NT5C2: variants seen among roughly 807,000 people sequenced by gnomAD.
The protein encoded by NT5C2 is cytosolic purine 5'-nucleotidase.
A neutral mutation model predicts 76.1 loss-of-function variants in NT5C2; 58 were observed. That is an observed-to-expected ratio of 0.76 (90% CI 0.62 to 0.95). NT5C2 has a LOEUF of 0.95. Ranked by LOEUF, NT5C2 falls within the 40% of genes least tolerant of loss-of-function variation. The pLI is 0.00. For synonymous variants in NT5C2, 229 were observed against 237.4 expected, an observed-to-expected ratio of 0.96 and a Z score of 0.32; for missense variants, 478 against 690.3, an observed-to-expected ratio of 0.69 and a Z score of 3.45.
chr10:103,091,733 T>C (rs1056690753), intron 15 of NT5C2, 118 bp from the exon 16 acceptor site: 11 of 786,308 alleles, frequency 1.4e-5, no homozygotes, highest in Non-Finnish European at 2.0e-5. Flanking sequence ...GGGACTAACA[T>C]GCTGAGTGTA....
At position 103,162,638 on chromosome 10, in the gene NT5C2, C is replaced by T. The variant is rs146670034; in HGVS notation, c.101+12220G>A. ...TAAACTGCTAGGGAAAACTATTTTG[C>T]GGTATCTACAAAAACTAAACGTATG... is the stretch of plus-strand genomic sequence containing the variant. On this transcript the variant is annotated intron_variant, in intron 3 of 18. Coordinates refer to ENST00000404739, the MANE Select transcript of NT5C2 (RefSeq NM_001351169.2). Among the ~76,000 whole-genome samples, 118 of 152,200 alleles carry T rather than the reference C, an allele frequency of 7.8e-4. No homozygotes were observed. In the East Asian group the frequency reaches 0.021, roughly 27 times the overall value.
chr10:103,117,849 G>C (rs1205041300), intron 4 of NT5C2, among the ~76,000 whole-genome samples: 1 of 152,068 alleles, frequency 6.6e-6, no homozygotes, highest in African/African-American at 2.4e-5. Context: ...ATTTAATTGA[G>C]GTGAGGGTTA....
rs763494183 is a variant in NT5C2, at chr10:103,123,167, T to C, written c.175+16239A>G. Among the ~76,000 whole-genome samples the C allele has an allele frequency of 5.3e-5, 8 of 152,272 alleles. 1 individual carries two copies. The highest frequency in any genetic ancestry group is 6.8e-3 in the Middle Eastern group (2 of 294). On this transcript the variant is annotated intron_variant, in intron 4 of 18. Coordinates refer to ENST00000404739, the MANE Select transcript of NT5C2 (RefSeq NM_001351169.2). ...TTGTTTGAGACAGGGTCTTGTTCTA[T>C]AGCCCAGGATAGAGGCACAATCACA... is the stretch of plus-strand genomic sequence containing the variant.
chr10:103,113,838 T>C (rs1252081025), intron 4 of NT5C2, among the ~76,000 whole-genome samples: 2 of 152,238 alleles, frequency 1.3e-5, no homozygotes, highest in Non-Finnish European at 2.9e-5. Context: ...TTCAGGCTTA[T>C]ACAGATAACT....
At chr10:103,141,764 T>C (rs184679805) in intron 3 of NT5C2, among the ~76,000 whole-genome samples, 14 of 152,324 alleles carry the variant, frequency 9.2e-5, no homozygotes, top group African/African-American at 3.1e-4. Flanking sequence ...CTACTGTCTA[T>C]TACACCCAGA....
At chr10:103,099,057 G>A in intron 9 of NT5C2, 73 bp from the exon 10 acceptor site, 1 of 1,223,680 alleles carries the variant, frequency 8.2e-7, no homozygotes, top group African/African-American at 1.5e-5. Context: ...TAAGAAAAAT[G>A]GTTTTTACTA....
intron 4 of NT5C2, among the ~76,000 whole-genome samples, chr10:103,120,598 AGAAT>A (rs1346164150): frequency 6.6e-6 from 1 of 152,278 alleles, no homozygotes; most frequent in Non-Finnish European, 1.5e-5. Flanking sequence ...CACACCCAGT[AGAAT>A]GAGTATTATC....
chr10:103,178,257 T>G (rs2090382770), intron 2 of NT5C2, among the ~76,000 whole-genome samples: 1 of 152,176 alleles, frequency 6.6e-6, no homozygotes, highest in African/African-American at 2.4e-5. Flanking sequence ...ACTATAAAAC[T>G]TGTACACAGA....
intron 2 of NT5C2, among the ~76,000 whole-genome samples, chr10:103,179,538 G>A (rs1036347749): frequency 3.3e-5 from 5 of 152,140 alleles, no homozygotes; most frequent in South Asian, 4.2e-4. Flanking sequence ...CACCATGCCC[G>A]GCTAATTTTT....
intron 3 of NT5C2, among the ~76,000 whole-genome samples, chr10:103,163,150 T>G (rs1160691833): frequency 6.6e-6 from 1 of 152,258 alleles, no homozygotes; most frequent in Non-Finnish European, 1.5e-5. Context: ...TTATAATCTA[T>G]TCTATAAATA....
rs370709938 is a variant in NT5C2 at position 103,089,829 on chromosome 10, G to A, written c.1529C>T (p.Thr510Ile). The change falls in exon 19 of 19, where the codon ACA becomes ATA. Residue 510 changes from threonine to isoleucine, a missense_variant. By Grantham distance (89) the Thr-to-Ile change is moderately conservative (BLOSUM62 -1). Coordinates refer to ENST00000404739, the MANE Select transcript of NT5C2 (RefSeq NM_001351169.2). ...GTCAGTGTCTTTGAAATCCACTGAT[G>A]TGCGGTTCCGGGTGGCAAGAGGAGA... ...MESPLATRNR[T>I]SVDFKDTDYK... 1.4e-5 allele frequency: 22 copies of A among 1,613,974 alleles called. No homozygotes were observed. In the African/African-American group the frequency reaches 2.5e-4, roughly 19 times the overall value.
chr10:103,184,836 T>TCCG, intron 1 of NT5C2, among the ~76,000 whole-genome samples: 1 of 152,284 alleles, frequency 6.6e-6, no homozygotes, highest in East Asian at 1.9e-4. Context: ...GAAGGAAAAA[T>TCCG]AACAAAGTTG....
chr10:103,157,197 T>C (rs772955521), intron 3 of NT5C2, among the ~76,000 whole-genome samples: 27 of 151,518 alleles, frequency 1.8e-4, no homozygotes, highest in Non-Finnish European at 3.1e-4. Context: ...TGAACCTAAT[T>C]ATACTGTATA....
chr10:103,109,883 A>G (rs1033414441), intron 4 of NT5C2, among the ~76,000 whole-genome samples: 3 of 152,208 alleles, frequency 2.0e-5, no homozygotes, highest in African/African-American at 7.2e-5. Context: ...TTGACAGCAC[A>G]AATCCTAGAA....
intron 3 of NT5C2, chr10:103,153,683 C>A (rs1025453742): frequency 1.0e-6 from 1 of 985,304 alleles, no homozygotes; most frequent in East Asian, 1.1e-4. Flanking sequence ...TCCAACAGTA[C>A]GCAAACAATG....
chr10:103,088,265 C>T lies in NT5C2; in HGVS notation c.*1407G>A, dbSNP rs2065936358. On this transcript the variant is annotated 3_prime_UTR_variant, in exon 19 of 19. Transcript: ENST00000404739. ...AATGGTTAAAGAAAGAGTCTATAAC[C>T]ACTGTTTGTTTAAAATGTTGAAACA... The T allele has an allele frequency of 6.6e-6, 1 of 152,200 alleles. No individual in the cohort carries two copies. The highest frequency in any genetic ancestry group is 2.4e-5 in the African/African-American group (1 of 41,450). The allele number at this position is 152,200 out of a possible 1,614,324, so 9.4% of individuals were successfully genotyped here.
At chr10:103,097,408 A>C (rs1564940403) in intron 10 of NT5C2, 34 bp from the exon 11 acceptor site, 3 of 1,533,976 alleles carry the variant, frequency 2.0e-6, no homozygotes, top group Non-Finnish European at 2.7e-6. Flanking sequence ...TGAAACACGA[A>C]AACATTTTTA....
chr10:103,164,717 CAATT>C (rs1262920842), intron 3 of NT5C2, among the ~76,000 whole-genome samples: 3 of 152,148 alleles, frequency 2.0e-5, no homozygotes, highest in Non-Finnish European at 4.4e-5. Context: ...TCAGACATTA[CAATT>C]AATACAGAAG....
chr10:103,175,856 G>A (rs1419218763), intron 2 of NT5C2: 2 of 162,024 alleles, frequency 1.2e-5, no homozygotes, highest in African/African-American at 2.4e-5. Flanking sequence ...CACAAAAATT[G>A]GAAGGAGGAC....
Sources: gnomAD v4.1 joint callset for allele counts (sites outside exome capture counted in the v4.1 genomes callset) on GRCh38, gnomAD v4.1.1 for gene constraint, MANE v1.5 for transcripts, NCBI Gene and HGNC (gene_info 2026-07-23, HGNC 2026-07-21) for gene names.